SLC1A2: variants seen among roughly 807,000 people sequenced by gnomAD.
The protein encoded by SLC1A2 is excitatory amino acid transporter 2.
Under a neutral mutation model 48.8 loss-of-function variants are expected in SLC1A2, and 15 were observed. The observed-to-expected ratio is 0.31, with a 90% CI of 0.21 to 0.47. The LOEUF (loss-of-function observed/expected upper bound fraction) is 0.47. Ranked by LOEUF, SLC1A2 falls within the 20% of genes least tolerant of loss-of-function variation. The pLI, the probability that SLC1A2 is intolerant of heterozygous loss-of-function variation, is 0.99. For synonymous variants in SLC1A2, 279 were observed against 272.6 expected (o/e 1.02, Z -0.23); for missense variants, 502 against 730.5 (o/e 0.69, Z 3.61).
rs1950288533 is a variant in SLC1A2, at chr11:35,254,588, C to T, written c.*6306G>A. ...ATGGTTGCCATGAGAAGAAACAGTG[C>T]CCCAGAAGGAGTGAGGCTCCGACTG... is the stretch of plus-strand genomic sequence containing the variant. On this transcript the variant is annotated 3_prime_UTR_variant, in exon 11 of 11. Coordinates refer to ENST00000278379, the MANE Select transcript of SLC1A2 (RefSeq NM_004171.4). 3.2e-6 allele frequency: 1 copy of T among 311,074 alleles called. No homozygotes were observed. The highest frequency in any genetic ancestry group is 2.2e-5 in the African/African-American group (1 of 45,038). The allele number at this position is 311,074 out of a possible 1,614,324, so 19.3% of individuals were successfully genotyped here.
intron 9 of SLC1A2, among the ~76,000 whole-genome samples, chr11:35,273,249 C>A (rs1247001570): frequency 6.6e-6 from 1 of 152,144 alleles, no homozygotes; most frequent in African/African-American, 2.4e-5. Flanking sequence ...AGGCCCCAAA[C>A]CCGAGGAAGG....
At chr11:35,412,458 T>C (rs1254147444) in intron 1 of SLC1A2, among the ~76,000 whole-genome samples, 2 of 152,212 alleles carry the variant, frequency 1.3e-5, no homozygotes, top group African/African-American at 4.8e-5. Flanking sequence ...TTGAAGGGCT[T>C]CCAAAGGGAG....
chr11:35,323,649 T>C (rs1489864877), intron 1 of SLC1A2, among the ~76,000 whole-genome samples: 1 of 152,192 alleles, frequency 6.6e-6, no homozygotes, highest in Non-Finnish European at 1.5e-5. Context: ...GAGCTGACCA[T>C]GAAGACAAGT....
chr11:35,386,804 A>C (rs1482539727), intron 1 of SLC1A2, among the ~76,000 whole-genome samples: 1 of 152,202 alleles, frequency 6.6e-6, no homozygotes, highest in Non-Finnish European at 1.5e-5. Context: ...TTTTACAAAC[A>C]TGGAAACTGG....
rs192475476 is a variant in SLC1A2 at position 35,261,882 on chromosome 11, T to G, written c.1654-917A>C. On this transcript the variant is annotated intron_variant, in intron 10 of 10. Transcript: ENST00000278379. ...AACATGCTAGGAACAGAAAACCAAGTGCCCTTCAACGAATCAAGCAAAGGA... is the reference window on the plus strand; with the variant it reads ...AACATGCTAGGAACAGAAAACCAAGGGCCCTTCAACGAATCAAGCAAAGGA... The G allele has an allele frequency of 3.0e-5, 12 of 396,540 alleles. No homozygotes were observed. In the East Asian group the frequency reaches 3.9e-4, roughly 13 times the overall value. The allele number at this position is 396,540 out of a possible 1,614,324, so 24.6% of individuals were successfully genotyped here.
chr11:35,296,380 T>C (rs928947787), intron 6 of SLC1A2, among the ~76,000 whole-genome samples: 2 of 152,206 alleles, frequency 1.3e-5, no homozygotes, highest in Non-Finnish European at 2.9e-5. Flanking sequence ...CAAATCTTCA[T>C]CTTTCCCAAT....
chr11:35,278,625 T>TAGTGAAA (rs1275382640), intron 9 of SLC1A2, among the ~76,000 whole-genome samples: 1 of 152,164 alleles, frequency 6.6e-6, no homozygotes, highest in African/African-American at 2.4e-5. Flanking sequence ...CAGGCTTCTT[T>TAGTGAAA]CTAGCCTTCC....
chr11:35,320,627 T>C (rs1451779845), intron 1 of SLC1A2, among the ~76,000 whole-genome samples: 2 of 152,242 alleles, frequency 1.3e-5, no homozygotes, highest in Admixed American at 6.5e-5. Context: ...AATCAATGTT[T>C]GCCAAGAGAA....
intron 9 of SLC1A2, among the ~76,000 whole-genome samples, chr11:35,272,513 T>C (rs1387650039): frequency 1.3e-5 from 2 of 152,158 alleles, no homozygotes; most frequent in Non-Finnish European, 2.9e-5. Flanking sequence ...AGAACACCCT[T>C]GAGGCTGCCA....
intron 1 of SLC1A2, among the ~76,000 whole-genome samples, chr11:35,394,304 C>T (rs1033510369): frequency 6.6e-6 from 1 of 151,952 alleles, no homozygotes; most frequent in African/African-American, 2.4e-5. Flanking sequence ...TCCAAAGCCT[C>T]AACCTGCTGC....
At chr11:35,390,378 C>T (rs1229365763) in intron 1 of SLC1A2, among the ~76,000 whole-genome samples, 3 of 152,152 alleles carry the variant, frequency 2.0e-5, no homozygotes, top group Admixed American at 1.3e-4. Flanking sequence ...TTTCTATTCT[C>T]CTCCATTTCA....
chr11:35,342,521 T>TTTG (rs149828426), intron 1 of SLC1A2, among the ~76,000 whole-genome samples: 5 of 151,164 alleles, frequency 3.3e-5, no homozygotes, highest in Admixed American at 2.0e-4. Flanking sequence ...GAGTGTTTTT[T>TTTG]TTGTTGTTGT....
chr11:35,323,484 C>A (rs968669931), intron 1 of SLC1A2, among the ~76,000 whole-genome samples: 1 of 152,158 alleles, frequency 6.6e-6, no homozygotes, highest in African/African-American at 2.4e-5. Context: ...AGGTCCCATT[C>A]TCTTAATCTA....
chr11:35,391,355 G>A (rs1854763254), intron 1 of SLC1A2: 1 of 152,168 alleles, frequency 6.6e-6, no homozygotes, highest in Non-Finnish European at 1.5e-5. Context: ...ACAATTCTGT[G>A]AGAGTTTTAT....
At chr11:35,304,683 A>G (rs1306197154) in intron 5 of SLC1A2, among the ~76,000 whole-genome samples, 3 of 152,128 alleles carry the variant, frequency 2.0e-5, no homozygotes, top group Admixed American at 6.5e-5. Flanking sequence ...TGACTGTGCA[A>G]TTCTGCTCCC....
At chr11:35,300,947 T>C (rs1851334957) in intron 6 of SLC1A2, among the ~76,000 whole-genome samples, 1 of 151,900 alleles carries the variant, frequency 6.6e-6, no homozygotes, top group Admixed American at 6.6e-5. Context: ...TGAGCTACAG[T>C]GAGGGAGGCC....
At chr11:35,360,639 T>G (rs1048099417) in intron 1 of SLC1A2, among the ~76,000 whole-genome samples, 1 of 152,220 alleles carries the variant, frequency 6.6e-6, no homozygotes, top group South Asian at 2.1e-4. Context: ...CTTTTCTTGA[T>G]GCTTAAATTC....
chr11:35,292,193 T>C, intron 7 of SLC1A2, 94 bp downstream of exon 7: 4 of 875,178 alleles, frequency 4.6e-6, no homozygotes, highest in Non-Finnish European at 7.4e-6. Context: ...AGTGTTCTTA[T>C]TGAACTTTGT....
chr11:35,386,663 G>T (rs1310969770), intron 1 of SLC1A2, among the ~76,000 whole-genome samples: 1 of 152,074 alleles, frequency 6.6e-6, no homozygotes, highest in Non-Finnish European at 1.5e-5. Context: ...TATGGTTTAG[G>T]GATAAATCAT....
Sources: allele counts gnomAD v4.1 joint callset (sites outside exome capture counted in the v4.1 genomes callset), GRCh38; gene constraint gnomAD v4.1.1; transcripts MANE v1.5; gene names NCBI Gene and HGNC (gene_info 2026-07-23, HGNC 2026-07-21).